SLC12A1: variants seen among roughly 807,000 people sequenced by gnomAD.
SLC12A1 encodes the protein Na-K-2Cl cotransporter.
Under a neutral mutation model 130.4 loss-of-function variants are expected in SLC12A1, and 89 were observed. That is an observed-to-expected ratio of 0.68 (90% CI 0.58 to 0.81). The LOEUF (loss-of-function observed/expected upper bound fraction) is 0.81, where lower values mean the gene tolerates loss of function less well. Ranked by LOEUF, SLC12A1 falls within the 40% of genes least tolerant of loss-of-function variation. The probability of loss-of-function intolerance (pLI) is 0.00; values close to 1 mark genes in which losing one functional copy is unlikely to be tolerated. For synonymous variants in SLC12A1, 499 were observed against 460.0 expected, an observed-to-expected ratio of 1.08 and a Z score of -1.09; for missense variants, 1,310 against 1,336.4, an observed-to-expected ratio of 0.98 and a Z score of 0.31.
At chr15:48,227,405 A>G in intron 5 of SLC12A1, 1 of 557,908 alleles carries the variant, frequency 1.8e-6, no homozygotes, top group Non-Finnish European at 3.2e-6. Context: ...GAGAGTGACT[A>G]TGTGTCTAGT....
rs189702107 is a variant in SLC12A1, at chr15:48,270,888, A to G, written c.2402+1124A>G. Among the ~76,000 whole-genome samples, 694 of 148,072 alleles carry G rather than the reference A, an allele frequency of 4.7e-3. 6 individuals carry two copies. The highest frequency in any genetic ancestry group is 0.045 in the Middle Eastern group (13 of 288). On this transcript the variant is annotated intron_variant, in intron 19 of 26. Coordinates refer to ENST00000380993, the MANE Select transcript of SLC12A1 (RefSeq NM_000338.3). ...GGCTTGGTTTCTTCCTTTGAATAAG[A>G]GAAAACAAATTCTACACATACAGAG...
chr15:48,220,816 G>A, intron 3 of SLC12A1, 51 bp downstream of exon 3: 2 of 1,612,846 alleles, frequency 1.2e-6, no homozygotes, highest in South Asian at 2.2e-5. Context: ...CAATGTTCTA[G>A]TGGATTAAGA....
intron 14 of SLC12A1, among the ~76,000 whole-genome samples, chr15:48,251,276 C>T (rs2041645301): frequency 6.6e-6 from 1 of 151,644 alleles, no homozygotes; most frequent in African/African-American, 2.4e-5. Flanking sequence ...CTTTCCATTC[C>T]TCCTGCCTCT....
intron 16 of SLC12A1, among the ~76,000 whole-genome samples, chr15:48,257,397 G>A (rs1352716083): frequency 6.6e-6 from 1 of 152,166 alleles, no homozygotes; most frequent in Non-Finnish European, 1.5e-5. Flanking sequence ...GAGTCTGTCT[G>A]GGGGCTCCGA....
chr15:48,246,715 G>A (rs376452487), intron 11 of SLC12A1, among the ~76,000 whole-genome samples, 194 bp from the exon 12 acceptor site: 5 of 152,128 alleles, frequency 3.3e-5, no homozygotes, highest in South Asian at 2.1e-4. Flanking sequence ...GGGAGGCAGC[G>A]GTTGCAGTGA....
rs372917997 is a variant in SLC12A1 at position 48,303,858 on chromosome 15, A to C, written c.*973A>C. On this transcript the variant is annotated 3_prime_UTR_variant, in exon 27 of 27. Transcript: ENST00000380993. ...GTATGGATTTAAAAGAATAATTAAAATGTGAAGTTGAAAAACTTGTAAAAT... is the reference window on the plus strand; with the variant it reads ...GTATGGATTTAAAAGAATAATTAAACTGTGAAGTTGAAAAACTTGTAAAAT... The C allele has an allele frequency of 6.6e-6, 1 of 152,252 alleles. No individual in the cohort carries two copies. The highest frequency in any genetic ancestry group is 2.4e-5 in the African/African-American group (1 of 41,472). 9.4% of individuals were successfully genotyped at this position (152,252 alleles called of 1,614,324 possible).
chr15:48,246,671 C>G (rs149500864), intron 11 of SLC12A1, among the ~76,000 whole-genome samples: 2 of 152,210 alleles, frequency 1.3e-5, no homozygotes, highest in African/African-American at 4.8e-5. Context: ...ATCCCAGCTA[C>G]TCGGTAGGCT....
At chr15:48,241,363 C>T (rs2041513361) in intron 9 of SLC12A1, among the ~76,000 whole-genome samples, 152 bp from the exon 10 acceptor site, 1 of 152,196 alleles carries the variant, frequency 6.6e-6, no homozygotes, top group Non-Finnish European at 1.5e-5. Context: ...AAATAAAGCT[C>T]AAGCTCATCA....
chr15:48,258,635 A>G (rs113151402), intron 16 of SLC12A1, among the ~76,000 whole-genome samples: 7,038 of 152,224 alleles, frequency 0.046, 187 homozygotes, highest in African/African-American at 0.055. Flanking sequence ...TGCCTGTTAT[A>G]TCCAGTTCCA....
intron 5 of SLC12A1, chr15:48,227,881 G>A (rs1412908725): frequency 6.6e-6 from 1 of 152,308 alleles, no homozygotes; most frequent in African/African-American, 2.4e-5. Flanking sequence ...CTCTCATGTT[G>A]ATCCAGCCCA....
intron 9 of SLC12A1, among the ~76,000 whole-genome samples, chr15:48,239,299 C>A (rs2041474248): frequency 6.6e-6 from 1 of 151,732 alleles, no homozygotes; most frequent in African/African-American, 2.4e-5. Context: ...TTGCTTGAGC[C>A]CAGGAGTTTG....
Position 48,226,475 on chromosome 15 carries a change from G to A in SLC12A1, c.629-1G>A. ...TATCTTCTATCTTTCATTGCTAACA[G>A]GTCTTGGAGTTCTCATAATTCTTCT... On this transcript the variant is annotated splice_acceptor_variant, in intron 4 of 26. Coordinates refer to ENST00000380993, the MANE Select transcript of SLC12A1 (RefSeq NM_000338.3). LOFTEE classifies it high-confidence loss of function. The A allele has an allele frequency of 1.9e-6, 3 of 1,559,006 alleles. No individual in the cohort carries two copies. Among genetic ancestry groups the A allele is most frequent in the South Asian group, 2.4e-5 (2 of 84,746 alleles).
chr15:48,214,536 G>A (rs952305284), intron 2 of SLC12A1, among the ~76,000 whole-genome samples: 3 of 152,024 alleles, frequency 2.0e-5, no homozygotes, highest in Non-Finnish European at 1.5e-5. Context: ...TGATTTATAG[G>A]CATAATGTGT....
rs1300706094 is a variant in SLC12A1, at chr15:48,291,823, C to G, written c.2919C>G (p.Ile973Met). 1.3e-6 allele frequency: 2 copies of G among 1,572,250 alleles called. No individual in the cohort carries two copies. Among genetic ancestry groups the G allele is most frequent in the Non-Finnish European group, 1.7e-6 (2 of 1,157,258 alleles). The change falls in exon 24 of 27, where the codon ATC (isoleucine) becomes ATG (methionine). Residue 973 changes from isoleucine to methionine, a missense_variant. Ile to Met is a conservative substitution (Grantham distance 10). Transcript: ENST00000380993. ...LSKFRIKFAD[I>M]HIIGDINIRP... Reference sequence around the variant, plus strand: ...AATTTAGGATAAAATTTGCAGACATCCATATCATCGGTGACATCAACATTA... The same window carrying G: ...AATTTAGGATAAAATTTGCAGACATGCATATCATCGGTGACATCAACATTA...
At chr15:48,295,743 A>C (rs1597461634) in intron 24 of SLC12A1, among the ~76,000 whole-genome samples, 1 of 152,200 alleles carries the variant, frequency 6.6e-6, no homozygotes, top group Admixed American at 6.5e-5. Flanking sequence ...CCTTGTGGCC[A>C]ATATACCCTG....
At chr15:48,301,507 G>GGGGT (rs1566862563) in intron 26 of SLC12A1, 125 bp downstream of exon 26, 8 of 534,620 alleles carry the variant, frequency 1.5e-5, no homozygotes, top group African/African-American at 8.4e-5. Flanking sequence ...TTTTTTGGGG[G>GGGGT]GGGGAACACG....
intron 17 of SLC12A1, among the ~76,000 whole-genome samples, chr15:48,265,236 A>G (rs192256399): frequency 2.6e-4 from 40 of 152,332 alleles, no homozygotes; most frequent in African/African-American, 9.4e-4. Flanking sequence ...ACTTCTCAAT[A>G]TGGCAAGTTT....
chr15:48,285,233 G>T lies in SLC12A1; in HGVS notation c.2613G>T (p.Lys871Asn). The change falls in exon 21 of 27, where the codon AAG becomes AAT. Residue 871 changes from lysine to asparagine, a missense_variant. Lys to Asn is a moderately conservative substitution (Grantham distance 94). Transcript: ENST00000380993. ...FKKAGKLNIT[K>N]TTPKKDGSIN... ...AAGCTGGCAAGTTGAACATTACTAAGACAACGCCTAAAAAAGGTAAGAACT... is the reference window on the plus strand; with the variant it reads ...AAGCTGGCAAGTTGAACATTACTAATACAACGCCTAAAAAAGGTAAGAACT... 6.2e-7 allele frequency: 1 copy of T among 1,613,562 alleles called. No individual in the cohort carries two copies. The highest frequency in any genetic ancestry group is 8.5e-7 in the Non-Finnish European group (1 of 1,179,750).
intron 9 of SLC12A1, among the ~76,000 whole-genome samples, chr15:48,239,064 G>A (rs1017360028): frequency 6.6e-6 from 1 of 152,180 alleles, no homozygotes. Flanking sequence ...TAGGTTTTGG[G>A]TTACTGCGTG....
Sources: allele counts gnomAD v4.1 joint callset (sites outside exome capture counted in the v4.1 genomes callset), GRCh38; gene constraint gnomAD v4.1.1; transcripts MANE v1.5; gene names NCBI Gene and HGNC (gene_info 2026-07-23, HGNC 2026-07-21).